POTEI: variants seen among roughly 807,000 people sequenced by gnomAD.
POTEI encodes the protein POTE ankyrin domain family, member I.
POTEI carries 14 observed loss-of-function variants against 43.4 expected under a neutral mutation model. The ratio of observed to expected loss-of-function variants is 0.32; its 90% confidence interval spans 0.21 to 0.50. The LOEUF is 0.50. POTEI is among the 20% of genes least tolerant of loss of function. The probability of loss-of-function intolerance (pLI) is 0.98; values close to 1 mark genes in which losing one functional copy is unlikely to be tolerated. For synonymous variants in POTEI, 95 were observed against 297.9 expected, an observed-to-expected ratio of 0.32 and a Z score of 7.01; for missense variants, 235 against 795.4, an observed-to-expected ratio of 0.30 and a Z score of 8.47.
chr2:130,496,851 G>A (rs1308026651), intron 5 of POTEI, among the ~76,000 whole-genome samples: 1 of 82,108 alleles, frequency 1.2e-5, no homozygotes, highest in Non-Finnish European at 2.6e-5. Context: ...CTGTGACCCA[G>A]TAAATTAGCT....
intron 13 of POTEI, among the ~76,000 whole-genome samples, chr2:130,468,915 AT>A (rs1255756964): frequency 1.3e-5 from 2 of 152,144 alleles, no homozygotes; most frequent in Non-Finnish European, 2.9e-5. Flanking sequence ...GTATAACAAT[AT>A]CACTAGTATT....
chr2:130,474,144 G>T (rs1683104423), intron 13 of POTEI, among the ~76,000 whole-genome samples: 1 of 150,708 alleles, frequency 6.6e-6, no homozygotes, highest in South Asian at 2.1e-4. Flanking sequence ...TCACTGAAAA[G>T]AGAAGAAAAT....
rs1390301616 is a variant in POTEI at position 130,461,503 on chromosome 2, C to G, written c.*1313G>C. ...GCGTGGCTGTGCTGTGCTGAGGTAC[C>G]TCTTCCACCCCTTGTCAGCTTGGGC... On this transcript the variant is annotated 3_prime_UTR_variant, in exon 15 of 15. Coordinates refer to ENST00000451531, the MANE Select transcript of POTEI (RefSeq NM_001277406.2). The G allele has an allele frequency of 3.3e-5, 5 of 152,256 alleles. No individual in the cohort carries two copies. The highest frequency in any genetic ancestry group is 6.5e-5 in the Admixed American group (1 of 15,290). 9.4% of individuals were successfully genotyped at this position (152,256 alleles called of 1,614,324 possible). A position where few individuals can be genotyped will look rare whatever the true frequency, so the allele number is the denominator to read the frequency against.
rs773667695 is a variant in POTEI at position 130,509,270 on chromosome 2, G to C, written c.-35C>G. On this transcript the variant is annotated 5_prime_UTR_variant, in exon 1 of 15. Coordinates refer to ENST00000451531, the MANE Select transcript of POTEI (RefSeq NM_001277406.2). ...ACAGCCTGGGGAGGCCGGTAGTAGC[G>C]AGCAGATCACGTCTACCAACCAGTT... 3.9e-6 allele frequency: 4 copies of C among 1,012,916 alleles called. No homozygotes were observed. Among genetic ancestry groups the C allele is most frequent in the Non-Finnish European group, 5.6e-6 (4 of 711,224 alleles). The allele number at this position is 1,012,916 out of a possible 1,614,324, so 62.7% of individuals were successfully genotyped here.
In POTEI at chr2:130,460,257, C is replaced by T. The variant is rs1388160470; in HGVS notation, c.*2559G>A. 3 of 151,722 alleles carry T rather than the reference C, an allele frequency of 2.0e-5. No homozygotes were observed. Among genetic ancestry groups the T allele is most frequent in the Non-Finnish European group, 4.4e-5 (3 of 68,012 alleles). 9.4% of individuals were successfully genotyped at this position (151,722 alleles called of 1,614,324 possible). ...GCCCCATCTCAAGTGCAAGATTGCCCAGCCTCCAGAGATCAGGTCTCAGAG... is the reference window on the plus strand; with the variant it reads ...GCCCCATCTCAAGTGCAAGATTGCCTAGCCTCCAGAGATCAGGTCTCAGAG... On this transcript the variant is annotated 3_prime_UTR_variant, in exon 15 of 15. Transcript: ENST00000451531.
At position 130,463,663 on chromosome 2, in the gene POTEI, A is replaced by G. The variant is rs1335584446; in HGVS notation, c.2381T>C (p.Leu794Pro). ...GGGGTGCTCCTCAGGGGCCACACGCAGCTCGTTGTAGAAGGTGTGGTGCCA... is the reference window on the plus strand; with the variant it reads ...GGGGTGCTCCTCAGGGGCCACACGCGGCTCGTTGTAGAAGGTGTGGTGCCA... Reference protein sequence around the residue: ...KIWHHTFYNELRVAPEEHPIL... With the variant: ...KIWHHTFYNEPRVAPEEHPIL... The change falls in exon 15 of 15, where the codon CTG (leucine) becomes CCG (proline). Residue 794 changes from leucine (L) to proline (P), a missense_variant. Physicochemically the swap from Leu to Pro is moderately conservative, Grantham distance 98 (BLOSUM62 -3). Coordinates refer to ENST00000451531, the MANE Select transcript of POTEI (RefSeq NM_001277406.2). 2.5e-6 allele frequency: 4 copies of G among 1,607,304 alleles called. No individual in the cohort carries two copies. The highest frequency in any genetic ancestry group is 2.5e-6 in the Non-Finnish European group (3 of 1,179,432).
rs1218142365 is a variant in POTEI, at chr2:130,482,476, A to C, written c.1410-403T>G. On this transcript the variant is annotated intron_variant, in intron 9 of 14. Transcript: ENST00000451531. ...TTTTACTAGGTTGTTATAATGATTTAACAAGATAACATTTTTTTAAATGCT... is the reference window on the plus strand; with the variant it reads ...TTTTACTAGGTTGTTATAATGATTTCACAAGATAACATTTTTTTAAATGCT... 3.3e-5 allele frequency among the ~76,000 whole-genome samples: 5 copies of C among 150,852 alleles called. No individual in the cohort carries two copies. In the East Asian group the frequency reaches 7.8e-4, roughly 24 times the overall value.
intron 9 of POTEI, among the ~76,000 whole-genome samples, chr2:130,482,637 T>A (rs1337733010): frequency 1.3e-5 from 2 of 150,456 alleles, no homozygotes; most frequent in East Asian, 4.0e-4. Flanking sequence ...TCAGGAAACG[T>A]TATTAAGTCC....
Position 130,493,767 on chromosome 2 carries a change from T to TA in POTEI, c.1126+2784dup, listed in dbSNP as rs1428988888. On this transcript the variant is annotated intron_variant, in intron 6 of 14. Transcript: ENST00000451531. ...AAACATTTACAAAATGGCTTTTATT[T>TA]AAAAAAAAAGCCTGCCAACTATTAA... Among the ~76,000 whole-genome samples, 50 of 38,002 alleles carry TA rather than the reference T, an allele frequency of 1.3e-3. 20 individuals carry two copies. Among genetic ancestry groups the TA allele is most frequent in the Non-Finnish European group, 2.3e-3 (40 of 17,574 alleles). The allele number at this position is 38,002 out of a possible 152,430, so 24.9% of individuals were successfully genotyped here. A position where few individuals can be genotyped will look rare whatever the true frequency, so the allele number is the denominator to read the frequency against.
At chr2:130,479,282 T>A (rs1319150961) in intron 10 of POTEI, among the ~76,000 whole-genome samples, 2 of 151,076 alleles carry the variant, frequency 1.3e-5, no homozygotes, top group African/African-American at 2.5e-5. Flanking sequence ...GAAAAAAAAA[T>A]TAAGCAAAAC....
chr2:130,483,949 T>C (rs1683493353), intron 9 of POTEI, among the ~76,000 whole-genome samples: 1 of 150,486 alleles, frequency 6.6e-6, no homozygotes, highest in Non-Finnish European at 1.5e-5. Flanking sequence ...TTCACTTATT[T>C]AACAAGTATT....
rs2336810 is a variant in POTEI, at chr2:130,507,422, A to G, written c.521+1293T>C. ...TATATATGTGTATATATATGTATATATATATATATCTGCGTATATAAATAG... is the reference window on the plus strand; with the variant it reads ...TATATATGTGTATATATATGTATATGTATATATATCTGCGTATATAAATAG... On this transcript the variant is annotated intron_variant, in intron 1 of 14. Coordinates refer to ENST00000451531, the MANE Select transcript of POTEI (RefSeq NM_001277406.2). Among the ~76,000 whole-genome samples, 19 of 10,334 alleles carry G rather than the reference A, an allele frequency of 1.8e-3. No homozygotes were observed. In the Non-Finnish European group the frequency reaches 0.086, roughly 47 times the overall value. 6.8% of individuals were successfully genotyped at this position (10,334 alleles called of 152,430 possible).
At chr2:130,484,958 T>C (rs1167604629) in intron 9 of POTEI, among the ~76,000 whole-genome samples, 1 of 152,212 alleles carries the variant, frequency 6.6e-6, no homozygotes, top group Non-Finnish European at 1.5e-5. Context: ...GACAGATGAG[T>C]CAAGAATGAC....
intron 9 of POTEI, among the ~76,000 whole-genome samples, chr2:130,486,906 G>A (rs1283982460): frequency 1.6e-4 from 20 of 123,950 alleles, no homozygotes; most frequent in African/African-American, 9.1e-5. Flanking sequence ...ATACTGAAAC[G>A]TTTATATTAA....
chr2:130,492,696 T>A (rs1385116691), intron 6 of POTEI, among the ~76,000 whole-genome samples: 10 of 134,230 alleles, frequency 7.4e-5, no homozygotes, highest in Non-Finnish European at 1.1e-4. Context: ...ATGTAGCAAA[T>A]TCTCAATAAT....
intron 13 of POTEI, among the ~76,000 whole-genome samples, chr2:130,473,576 G>T (rs1377001171): frequency 4.2e-5 from 1 of 23,666 alleles, no homozygotes; most frequent in African/African-American, 4.6e-5. Context: ...ATTATTTTGG[G>T]GATATGGAAA....
At position 130,491,545 on chromosome 2, in the gene POTEI, CT is replaced by C. The variant is rs2105103714; in HGVS notation, c.1127-806del. On this transcript the variant is annotated intron_variant, in intron 6 of 14. Transcript: ENST00000451531. ...CTCCTGTTTTCTGCAACAATAGTAC[CT>C]TACAAATGATTTCAAAAATTACTAC... Among the ~76,000 whole-genome samples the C allele has an allele frequency of 1.9e-5, 2 of 106,972 alleles. 1 individual carries two copies. The highest frequency in any genetic ancestry group is 8.5e-4 in the South Asian group (2 of 2,342). 70.2% of individuals were successfully genotyped at this position (106,972 alleles called of 152,430 possible). A position where few individuals can be genotyped will look rare whatever the true frequency, so the allele number is the denominator to read the frequency against.
chr2:130,477,490 T>G (rs1683241590), intron 10 of POTEI, among the ~76,000 whole-genome samples: 1 of 150,882 alleles, frequency 6.6e-6, no homozygotes, highest in South Asian at 2.1e-4. Context: ...TGATTTTGCA[T>G]GTCTTTCCCC....
chr2:130,478,565 A>T (rs1157511893), intron 10 of POTEI, among the ~76,000 whole-genome samples: 1 of 109,724 alleles, frequency 9.1e-6, no homozygotes. Flanking sequence ...GAAAAACACA[A>T]AGCACATTTT....
Sources: gnomAD v4.1 joint callset for allele counts (sites outside exome capture counted in the v4.1 genomes callset) on GRCh38, gnomAD v4.1.1 for gene constraint, MANE v1.5 for transcripts, NCBI Gene and HGNC (gene_info 2026-07-23, HGNC 2026-07-21) for gene names.